The following SDSL variants were observed in gnomAD, a reference collection of about 807,000 sequenced individuals.
SDSL encodes serine dehydratase-like.
Under a neutral mutation model 27.6 loss-of-function variants are expected in SDSL, and 26 were observed. The ratio of observed to expected loss-of-function variants is 0.94; its 90% CI spans 0.69 to 1.31. The LOEUF (loss-of-function observed/expected upper bound fraction) is 1.31. Among genes scored for constraint, SDSL ranks in the 50% most tolerant of loss-of-function variants. SDSL has a pLI of 0.00. For missense variants in SDSL, 431 were observed against 423.5 expected, an observed-to-expected ratio of 1.02 and a Z score of -0.16; for synonymous variants, 196 against 180.6, an observed-to-expected ratio of 1.09 and a Z score of -0.69.
intron 4 of SDSL, among the ~76,000 whole-genome samples, chr12:113,432,434 C>T (rs1017700451): frequency 2.0e-4 from 30 of 151,966 alleles, no homozygotes; most frequent in African/African-American, 7.3e-4. Flanking sequence ...CTCCACTGTC[C>T]GGGTTCAAGC....
intron 2 of SDSL, 105 bp downstream of exon 2, chr12:113,428,261 C>A (rs1195976024): frequency 1.5e-6 from 2 of 1,337,850 alleles, no homozygotes; most frequent in East Asian, 2.5e-5. Flanking sequence ...GAAACATGAA[C>A]TCGTGCAGAT....
intron 4 of SDSL, 136 bp from the exon 5 acceptor site, chr12:113,433,998 C>G: frequency 3.3e-6 from 2 of 613,676 alleles, no homozygotes; most frequent in Non-Finnish European, 5.6e-6. Flanking sequence ...TGGGCCCACA[C>G]CAGGTATGGT....
intron 4 of SDSL, among the ~76,000 whole-genome samples, chr12:113,432,241 T>TTTCA (rs1491499175): frequency 2.3e-5 from 3 of 133,310 alleles, no homozygotes; most frequent in African/African-American, 9.0e-5. Context: ...TCTTTCTTTC[T>TTTCA]TTCTTTCTTT....
rs1384442573 is a variant in SDSL at position 113,437,945 on chromosome 12, G to T, written c.856G>T (p.Gly286Cys). 1 of 1,613,934 alleles carries T rather than the reference G, an allele frequency of 6.2e-7. No homozygotes were observed. The highest frequency in any genetic ancestry group is 8.5e-7 in the Non-Finnish European group (1 of 1,179,956). Residue 286 changes from glycine to cysteine, a missense_variant, in exon 8 of 8, where the codon GGC (glycine) becomes TGC (cysteine). Gly to Cys is a radical substitution (Grantham distance 159). Coordinates refer to ENST00000403593, the MANE Select transcript of SDSL (RefSeq NM_001304993.2). ...CGAALAAIYS[G>C]LLRRLQAEGC... ...GGCAGCCTTAGCAGCCATCTACTCA[G>T]GCCTCCTGCGGAGGCTCCAGGCCGA...
intron 4 of SDSL, 81 bp from the exon 5 acceptor site, chr12:113,434,053 C>A: frequency 8.4e-7 from 1 of 1,189,324 alleles, no homozygotes; most frequent in Non-Finnish European, 1.2e-6. Flanking sequence ...CTGGGGCCAC[C>A]AAGGAGATCC....
In SDSL at chr12:113,434,180, A is replaced by G. The variant is rs150796785; in HGVS notation, c.401A>G (p.Asp134Gly). 105 of 1,613,516 alleles carry G rather than the reference A, an allele frequency of 6.5e-5. No individual in the cohort carries two copies. The African/African-American group carries it at 1.2e-3, about 18-fold the overall frequency. The change falls in exon 5 of 8, where the codon GAC (aspartate) becomes GGC (glycine). Residue 134 changes from aspartate to glycine, a missense_variant. Coordinates refer to ENST00000403593, the MANE Select transcript of SDSL (RefSeq NM_001304993.2). ...AGGGCGCAAGAGTTGGCCAAGAGGG[A>G]CGGCTGGGAGAATGTCCCCCCGTTT... ...NLRAQELAKR[D>G]GWENVPPFDH...
intron 7 of SDSL, among the ~76,000 whole-genome samples, chr12:113,437,668 A>G (rs1345577145): frequency 6.6e-6 from 1 of 152,132 alleles, no homozygotes; most frequent in Non-Finnish European, 1.5e-5. Context: ...AGAGGAATGG[A>G]TGGATGGATA....
At chr12:113,429,069 G>C in intron 3 of SDSL, 91 bp from the exon 4 acceptor site, 1 of 1,461,522 alleles carries the variant, frequency 6.8e-7, no homozygotes, top group Non-Finnish European at 9.3e-7. Flanking sequence ...TGTTGGGGAC[G>C]AGTGACTCTG....
In SDSL at chr12:113,434,159, C is replaced by T. The variant is rs141271954; in HGVS notation, c.380C>T (p.Ala127Val). ...GTCTGGGACGAGGCCAATCTGAGGG[C>T]GCAAGAGTTGGCCAAGAGGGACGGC... is the stretch of plus-strand genomic sequence containing the variant. The part of the protein sequence containing the change: ...GKVWDEANLR[A>V]QELAKRDGWE... Residue 127 changes from alanine (A) to valine (V), a missense_variant, in exon 5 of 8, where the codon GCG (alanine) becomes GTG (valine). Coordinates refer to ENST00000403593, the MANE Select transcript of SDSL (RefSeq NM_001304993.2). 5.5e-5 allele frequency: 89 copies of T among 1,613,584 alleles called. No individual in the cohort carries two copies. Among genetic ancestry groups the T allele is most frequent in the South Asian group, 1.3e-4 (12 of 91,004 alleles).
Position 113,435,494 on chromosome 12 carries a change from G to A in SDSL, c.609G>A (p.Gly203=), listed in dbSNP as rs1394548614. ...CCATCATTGCCATGGAGACCCATGG[G>A]GCACACTGCTTCAATGCGGCCATCA... ...HVPIIAMETH[G]AHCFNAAITA... Residue 203 remains glycine (G), a synonymous_variant, in exon 6 of 8, where the codon GGG becomes GGA. Coordinates refer to ENST00000403593, the MANE Select transcript of SDSL (RefSeq NM_001304993.2). The A allele has an allele frequency of 1.2e-6, 2 of 1,614,020 alleles. No individual in the cohort carries two copies. The highest frequency in any genetic ancestry group is 2.2e-5 in the South Asian group (2 of 91,082).
chr12:113,428,322 G>C (rs143376928), intron 2 of SDSL, 98 bp from the exon 3 acceptor site: 1 of 1,346,170 alleles, frequency 7.4e-7, no homozygotes, highest in Admixed American at 2.0e-5. Context: ...GGGTAAAGGC[G>C]TATTGGGAGT....
intron 1 of SDSL, chr12:113,425,950 C>G (rs1957844518): frequency 2.7e-6 from 1 of 370,378 alleles, no homozygotes; most frequent in African/African-American, 2.1e-5. Context: ...GATTGCACCA[C>G]TGCACTCCAG....
intron 4 of SDSL, among the ~76,000 whole-genome samples, chr12:113,430,033 C>A (rs1957901627): frequency 7.2e-6 from 1 of 139,154 alleles, no homozygotes; most frequent in Non-Finnish European, 1.5e-5. Flanking sequence ...TTCCTTCCTT[C>A]TTTTCTCCTT....
At chr12:113,436,719 G>T (rs367586553) in intron 6 of SDSL, 32 bp from the exon 7 acceptor site, 9 of 1,549,932 alleles carry the variant, frequency 5.8e-6, no homozygotes, top group Non-Finnish European at 7.8e-6. Context: ...TGAGCCCCTG[G>T]TCTCCCTGCC....
intron 1 of SDSL, among the ~76,000 whole-genome samples, chr12:113,426,871 C>T (rs942566671): frequency 1.8e-4 from 28 of 151,984 alleles, no homozygotes; most frequent in African/African-American, 5.6e-4. Context: ...CCTGAGAGGT[C>T]GAGGCTGCAG....
At chr12:113,433,736 G>T (rs1470908791) in intron 4 of SDSL, among the ~76,000 whole-genome samples, 1 of 152,146 alleles carries the variant, frequency 6.6e-6, no homozygotes, top group East Asian at 1.9e-4. Flanking sequence ...GGCCATTGCT[G>T]GTTTCCACGG....
intron 1 of SDSL, among the ~76,000 whole-genome samples, chr12:113,424,966 C>A (rs1957830840): frequency 6.6e-6 from 1 of 152,130 alleles, no homozygotes; most frequent in Admixed American, 6.5e-5. Context: ...GAACTCCTGA[C>A]CTCAAGGGAT....
rs1593315824 is a variant in SDSL, at chr12:113,435,452, G to A, written c.567G>A (p.Val189=). 2 of 1,613,950 alleles carry A rather than the reference G, an allele frequency of 1.2e-6. No homozygotes were observed. The highest frequency in any genetic ancestry group is 1.7e-6 in the Non-Finnish European group (2 of 1,179,920). The change falls in exon 6 of 8, where the codon GTG becomes GTA. Residue 189 remains valine (V), a synonymous_variant. Transcript: ENST00000403593. ...LAGVVAGLLE[V]GWQHVPIIAM... ...GGGTGGTGGCTGGCCTGCTGGAGGT[G>A]GGCTGGCAGCATGTACCCATCATTG...
At chr12:113,432,278 TTCTTTC>T (rs1413116939) in intron 4 of SDSL, among the ~76,000 whole-genome samples, 2 of 73,562 alleles carry the variant, frequency 2.7e-5, no homozygotes, top group African/African-American at 1.0e-4. Context: ...CTTTCTTTCT[TTCTTTC>T]TTTCTTTCTC....
Sources: allele counts gnomAD v4.1 joint callset (sites outside exome capture counted in the v4.1 genomes callset), GRCh38; gene constraint gnomAD v4.1.1; transcripts MANE v1.5; gene names NCBI Gene and HGNC (gene_info 2026-07-23, HGNC 2026-07-21).